ATG7: variants seen among roughly 807,000 people sequenced by gnomAD.
The protein encoded by ATG7 is autophagy related 7, also known as ubiquitin-like modifier-activating enzyme ATG7.
In ATG7, 70 loss-of-function variants were observed where a neutral mutation model predicts 82.4. The observed-to-expected ratio is 0.85, with a 90% confidence interval of 0.70 to 1.04. ATG7 has a LOEUF of 1.04. Ranked by LOEUF, ATG7 falls within the 50% of genes least tolerant of loss-of-function variation. The pLI is 0.00. For synonymous variants in ATG7, 287 were observed against 313.0 expected (o/e 0.92, Z 0.88); for missense variants, 792 against 864.3 (o/e 0.92, Z 1.05).
At chr3:11,487,446 G>A (rs1483585189) in intron 20 of ATG7, among the ~76,000 whole-genome samples, 8 of 69,308 alleles carry the variant, frequency 1.2e-4, no homozygotes, top group Non-Finnish European at 2.0e-4. Context: ...CGGACGGGGC[G>A]GCTGGCCGGG....
chr3:11,425,164 A>G lies in ATG7; in HGVS notation c.1957-1640A>G, dbSNP rs189129998. Among the ~76,000 whole-genome samples the G allele has an allele frequency of 1.9e-3, 289 of 152,188 alleles. 2 individuals are homozygous for G. The highest frequency in any genetic ancestry group is 6.3e-3 in the African/African-American group (262 of 41,528). ...TTTTTTGTGGAGACAAGGTCTCACT[A>G]TGTTGCCCAGGTTGGTCCTGAACTC... On this transcript the variant is annotated intron_variant, in intron 19 of 20. Coordinates refer to ENST00000693202, the MANE Select transcript of ATG7 (RefSeq NM_001349232.2).
At chr3:11,444,967 A>G (rs757512381) in intron 20 of ATG7, among the ~76,000 whole-genome samples, 2 of 152,226 alleles carry the variant, frequency 1.3e-5, no homozygotes, top group Non-Finnish European at 2.9e-5. Flanking sequence ...GCTCATCATC[A>G]CTAGTCATTA....
rs71055868 is a variant in ATG7 at position 11,411,619 on chromosome 3, C to CAAAAAAAAAAAA, written c.1957-15167_1957-15156dup. 1.3e-3 allele frequency among the ~76,000 whole-genome samples: 93 copies of CAAAAAAAAAAAA among 71,748 alleles called. 4 individuals carry two copies. The highest frequency in any genetic ancestry group is 9.3e-3 in the Middle Eastern group (1 of 108). The allele number at this position is 71,748 out of a possible 152,430, so 47.1% of individuals were successfully genotyped here. ...TGGTGACACAGCAAGACTCTGTCTCCAAAAAAAAAAAAAAAAAAAAAAAAA... is the reference window on the plus strand; with the variant it reads ...TGGTGACACAGCAAGACTCTGTCTCCAAAAAAAAAAAAAAAAAAAAAAAAAAAAAAAAAAAAA... On this transcript the variant is annotated intron_variant, in intron 19 of 20. Coordinates refer to ENST00000693202, the MANE Select transcript of ATG7 (RefSeq NM_001349232.2).
At chr3:11,393,027 T>C (rs1032038053) in intron 19 of ATG7, among the ~76,000 whole-genome samples, 1 of 152,200 alleles carries the variant, frequency 6.6e-6, no homozygotes, top group Non-Finnish European at 1.5e-5. Flanking sequence ...TAGAAACAGA[T>C]GCAGAAAAAT....
chr3:11,315,459 A>G lies in ATG7; in HGVS notation c.644A>G (p.His215Arg). ...ENMVLVSLLKHYSDFFQGQRT... is the reference protein window; with the variant it reads ...ENMVLVSLLKRYSDFFQGQRT... Reference sequence around the variant, plus strand: ...ATGGTGCTGGTTTCCTTGCTTAAACACTACAGTGATTTCTTCCAAGGTCAA... The same window carrying G: ...ATGGTGCTGGTTTCCTTGCTTAAACGCTACAGTGATTTCTTCCAAGGTCAA... The change falls in exon 9 of 21, where the codon CAC becomes CGC. Residue 215 changes from histidine to arginine, a missense_variant. By Grantham distance (29) the His-to-Arg change is conservative. Transcript: ENST00000693202. The G allele has an allele frequency of 1.2e-6, 2 of 1,608,472 alleles. No individual in the cohort carries two copies. The highest frequency in any genetic ancestry group is 1.1e-5 in the South Asian group (1 of 89,462).
chr3:11,339,469 G>A (rs989958696), intron 11 of ATG7, among the ~76,000 whole-genome samples: 1 of 151,982 alleles, frequency 6.6e-6, no homozygotes, highest in Non-Finnish European at 1.5e-5. Flanking sequence ...CTGTGGTGGG[G>A]TGAATTTCTT....
At chr3:11,275,515 ATTTTT>A (rs34040398) in intron 1 of ATG7, among the ~76,000 whole-genome samples, 3 of 109,206 alleles carry the variant, frequency 2.7e-5, no homozygotes, top group African/African-American at 3.9e-5. Context: ...TGCCCGGCTA[ATTTTT>A]TTTTTTTTTT....
chr3:11,345,820 C>G (rs1954457500), intron 13 of ATG7, among the ~76,000 whole-genome samples: 1 of 151,758 alleles, frequency 6.6e-6, no homozygotes, highest in Non-Finnish European at 1.5e-5. Context: ...TTTCTAGGTT[C>G]TAGAATTTTT....
intron 20 of ATG7, among the ~76,000 whole-genome samples, chr3:11,506,881 T>C (rs969486604): frequency 3.3e-5 from 5 of 152,212 alleles, no homozygotes; most frequent in African/African-American, 9.6e-5. Flanking sequence ...CTAAATATTA[T>C]TGCTCTGCCA....
chr3:11,367,291 G>C (rs1254435271), intron 18 of ATG7, among the ~76,000 whole-genome samples: 2 of 152,120 alleles, frequency 1.3e-5, no homozygotes, highest in African/African-American at 2.4e-5. Context: ...GGCTCCTAGA[G>C]ACAAATGATT....
chr3:11,325,625 C>T lies in ATG7; in HGVS notation c.679-5715C>T, dbSNP rs150198390. On this transcript the variant is annotated intron_variant, in intron 9 of 20. Coordinates refer to ENST00000693202, the MANE Select transcript of ATG7 (RefSeq NM_001349232.2). ...GGTGGAGGTTATGGTGAGCTGAGAT[C>T]GTGCCATTGCATTCCAGCCTGGGCA... Among the ~76,000 whole-genome samples the T allele has an allele frequency of 2.9e-3, 441 of 151,292 alleles. 2 individuals are homozygous for T. The highest frequency in any genetic ancestry group is 0.01 in the Middle Eastern group (3 of 294).
intron 18 of ATG7, among the ~76,000 whole-genome samples, chr3:11,366,838 A>AT (rs926900732): frequency 6.6e-5 from 10 of 152,002 alleles, no homozygotes; most frequent in African/African-American, 2.4e-4. Flanking sequence ...CCTCAGAATT[A>AT]TTTGTCATTC....
chr3:11,441,907 C>G (rs1348251041), intron 20 of ATG7, among the ~76,000 whole-genome samples: 1 of 151,956 alleles, frequency 6.6e-6, no homozygotes. Context: ...CTCAGGTGAT[C>G]CACCCACCTT....
At position 11,358,545 on chromosome 3, in the gene ATG7, T is replaced by C. The variant is rs36117895; in HGVS notation, c.1412T>C (p.Val471Ala). Reference protein sequence around the residue: ...LEQLIESHDVVFLLMDTRESR... With the variant: ...LEQLIESHDVAFLLMDTRESR... The stretch of plus-strand genomic sequence containing the variant: ...CAGCTCATCGAAAGCCATGATGTCG[T>C]CTTCCTATTGATGGACACCAGGGAG... The change falls in exon 15 of 21, where the codon GTC (valine) becomes GCC (alanine). Residue 471 changes from valine (V) to alanine (A), a missense_variant. By Grantham distance (64) the Val-to-Ala change is moderately conservative (BLOSUM62 0). Transcript: ENST00000693202. 0.035 allele frequency: 56,940 copies of C among 1,614,044 alleles called. 1,141 individuals carry two copies. Among genetic ancestry groups the C allele is most frequent in the Middle Eastern group, 0.066 (402 of 6,048 alleles).
intron 20 of ATG7, among the ~76,000 whole-genome samples, chr3:11,540,916 G>GT (rs2070764080): frequency 8.3e-6 from 1 of 119,878 alleles, no homozygotes; most frequent in Non-Finnish European, 1.7e-5. Context: ...TTGGGGGGGG[G>GT]AGGGGGGGAG....
intron 11 of ATG7, among the ~76,000 whole-genome samples, chr3:11,338,644 G>C (rs1952949979): frequency 6.6e-6 from 1 of 152,094 alleles, no homozygotes; most frequent in Admixed American, 6.5e-5. Flanking sequence ...GCAAGACCCT[G>C]TCTCAAACAA....
intron 20 of ATG7, among the ~76,000 whole-genome samples, chr3:11,455,008 C>T (rs919868085): frequency 1.3e-5 from 2 of 152,128 alleles, no homozygotes; most frequent in African/African-American, 2.4e-5. Context: ...GCCTGACTTA[C>T]TGATTTATAA....
chr3:11,545,361 C>G (rs1180913697), intron 20 of ATG7, among the ~76,000 whole-genome samples: 3 of 152,206 alleles, frequency 2.0e-5, no homozygotes, highest in African/African-American at 7.2e-5. Flanking sequence ...CCAGAAGAAC[C>G]ACGGTGACGG....
At chr3:11,337,900 A>G (rs17034312) in intron 11 of ATG7, among the ~76,000 whole-genome samples, 3,603 of 152,268 alleles carry the variant, frequency 0.024, 139 homozygotes, top group African/African-American at 0.079. Context: ...ATGGATTACA[A>G]TACTAGGCTG....
Sources: allele counts gnomAD v4.1 joint callset (sites outside exome capture counted in the v4.1 genomes callset), GRCh38; gene constraint gnomAD v4.1.1; transcripts MANE v1.5; gene names NCBI Gene and HGNC (gene_info 2026-07-23, HGNC 2026-07-21).